CPT1C: variants seen among roughly 807,000 people sequenced by gnomAD.
CPT1C encodes the protein palmitoyl thioesterase CPT1C.
Under a neutral mutation model 97.3 loss-of-function variants are expected in CPT1C, and 61 were observed. That is an observed-to-expected ratio of 0.63 (90% CI 0.51 to 0.78). The LOEUF (loss-of-function observed/expected upper bound fraction) is 0.78. Ranked by LOEUF, CPT1C falls within the 30% of genes least tolerant of loss-of-function variation. The pLI is 0.00. For synonymous variants in CPT1C, 469 were observed against 447.2 expected (o/e 1.05, Z -0.61); for missense variants, 975 against 1,065.5 (o/e 0.92, Z 1.18).
At chr19:49,709,835 C>T (rs1383459496) in intron 14 of CPT1C, among the ~76,000 whole-genome samples, 6 of 150,886 alleles carry the variant, frequency 4.0e-5, no homozygotes, top group African/African-American at 1.5e-4. Flanking sequence ...GGATTACAGG[C>T]GTGAGCCACC....
chr19:49,709,901 C>T (rs868170097), intron 14 of CPT1C, among the ~76,000 whole-genome samples: 2 of 149,682 alleles, frequency 1.3e-5, no homozygotes, highest in African/African-American at 5.0e-5. Flanking sequence ...GGCTGGAGTG[C>T]AGTGGTGCGA....
upstream of CPT1C, chr19:49,691,030 G>A (rs922533039): frequency 6.6e-6 from 1 of 152,382 alleles, no homozygotes; most frequent in African/African-American, 2.4e-5. Flanking sequence ...GGATCGAACG[G>A]ATGTAGGGGA....
chr19:49,710,711 CCT>C lies in CPT1C; in HGVS notation c.1732-11_1732-10del. 6.2e-7 allele frequency: 1 copy of C among 1,609,376 alleles called. No homozygotes were observed. Among genetic ancestry groups the C allele is most frequent in the Non-Finnish European group, 8.5e-7 (1 of 1,176,488 alleles). ...CAGCTGACAGACTCCTCTTCTCCTC[CCT>C]GTCCCCCAGGACAGGGGTCAATTCT... On this transcript the variant is annotated splice_polypyrimidine_tract_variant and intron_variant, in intron 15 of 19. Transcript: ENST00000598293.
Position 49,705,902 on chromosome 19 carries a change from C to T in CPT1C, c.965-7C>T. 6.2e-7 allele frequency: 1 copy of T among 1,611,582 alleles called. No homozygotes were observed. Among genetic ancestry groups the T allele is most frequent in the Non-Finnish European group, 8.5e-7 (1 of 1,178,558 alleles). On this transcript the variant is annotated splice_polypyrimidine_tract_variant and splice_region_variant and intron_variant, in intron 10 of 19. Coordinates refer to ENST00000598293, the MANE Select transcript of CPT1C (RefSeq NM_001199753.2). ...TGCCCCCATGCTTCTGCCAACGCCA[C>T]CCCTAGACTACATCCGCCACCTCCA...
chr19:49,712,618 GAGA>G (rs1285834725), intron 17 of CPT1C, 115 bp from the exon 18 acceptor site: 9 of 732,132 alleles, frequency 1.2e-5, no homozygotes, highest in Middle Eastern at 3.5e-4. Flanking sequence ...CGTGGTTAGG[GAGA>G]AGGAGGCCCG....
In CPT1C at chr19:49,708,788, G is replaced by A. The variant is rs776922738; in HGVS notation, c.1515G>A (p.Pro505=). The A allele has an allele frequency of 2.5e-5, 41 of 1,613,754 alleles. No homozygotes were observed. The highest frequency in any genetic ancestry group is 2.3e-4 in the Admixed American group (14 of 59,960). The part of the protein sequence containing the change: ...YSTDGHCKGH[P]DPTLPQPQRL... Reference sequence around the variant, plus strand: ...CAGACGGCCACTGCAAGGGGCACCCGGACCCCACACTACCCCAGCCCCAGC... The same window carrying A: ...CAGACGGCCACTGCAAGGGGCACCCAGACCCCACACTACCCCAGCCCCAGC... Residue 505 remains proline, a synonymous_variant, in exon 14 of 20, where the codon CCG becomes CCA. Transcript: ENST00000598293.
At chr19:49,700,652 C>T (rs1049059162) in intron 4 of CPT1C, 32 bp from the exon 5 acceptor site, 1 of 1,598,042 alleles carries the variant, frequency 6.3e-7, no homozygotes, top group African/African-American at 1.3e-5. Flanking sequence ...GGCCAGGAGA[C>T]CCAGGCCCAG....
chr19:49,699,253 C>T (rs559057438), intron 4 of CPT1C, among the ~76,000 whole-genome samples: 3 of 151,770 alleles, frequency 2.0e-5, no homozygotes, highest in South Asian at 2.1e-4. Context: ...GTCTAGTTCT[C>T]GGATGAGTCC....
intron 5 of CPT1C, 59 bp from the exon 6 acceptor site, chr19:49,701,258 C>A (rs1600077260): frequency 6.9e-7 from 1 of 1,448,348 alleles, no homozygotes; most frequent in East Asian, 2.3e-5. Context: ...TCGACCCCTG[C>A]CCCGTCAACT....
Position 49,704,783 on chromosome 19 carries a change from T to C in CPT1C, c.767T>C (p.Met256Thr). Residue 256 changes from methionine (M) to threonine (T), a missense_variant, in exon 8 of 20, where the codon ATG becomes ACG. This residue lies in a region of CPT1C where 596 missense variants were observed against 603.1 expected (regional missense o/e 0.99). Coordinates refer to ENST00000598293, the MANE Select transcript of CPT1C (RefSeq NM_001199753.2). ...NPLMVNSNYY[M>T]MDFLYVTPTP... ...CTGATGGTGAACAGCAACTATTACA[T>C]GATGGTGAGAAGGGGAGGGGTGAGG... 1 of 1,613,806 alleles carries C rather than the reference T, an allele frequency of 6.2e-7. No individual in the cohort carries two copies. The highest frequency in any genetic ancestry group is 8.5e-7 in the Non-Finnish European group (1 of 1,179,860).
At chr19:49,691,385 G>T (rs373086760) in intron 1 of CPT1C, 45 bp downstream of exon 1, 7 of 151,972 alleles carry the variant, frequency 4.6e-5, no homozygotes, top group African/African-American at 1.7e-4. Flanking sequence ...GGGGCCTGGA[G>T]TCCTGTGTCT....
rs774595895 is a variant in CPT1C, at chr19:49,705,097, C to A, written c.862C>A (p.Arg288Ser). 4 of 1,613,920 alleles carry A rather than the reference C, an allele frequency of 2.5e-6. No homozygotes were observed. The African/African-American group carries it at 5.3e-5, about 22-fold the overall frequency. Residue 288 changes from arginine to serine, a missense_variant, in exon 9 of 20, where the codon CGC becomes AGC. Physicochemically the swap from Arg to Ser is moderately radical, Grantham distance 110. Coordinates refer to ENST00000598293, the MANE Select transcript of CPT1C (RefSeq NM_001199753.2). ...ALLLYRHRLN[R>S]QEIPPTLLMG... Reference sequence around the variant, plus strand: ...CCTCCTGTACCGCCACCGCCTGAACCGCCAGGAGATACCCCCGGTGAGAGG... The same window carrying A: ...CCTCCTGTACCGCCACCGCCTGAACAGCCAGGAGATACCCCCGGTGAGAGG...
At position 49,700,840 on chromosome 19, in the gene CPT1C, C is replaced by A. The variant is rs372366841; in HGVS notation, c.438C>A (p.Pro146=). Reference sequence around the variant, plus strand: ...AGCCCCACGGAGCCATGTCCTCCCCCACCAAGACCTGGCTGGTATGGGAGG... The same window carrying A: ...AGCCCCACGGAGCCATGTCCTCCCCAACCAAGACCTGGCTGGTATGGGAGG... The part of the protein sequence containing the change: ...LLEPHGAMSS[P]TKTWLALVRI... The change falls in exon 5 of 20, where the codon CCC becomes CCA. Residue 146 remains proline, a synonymous_variant. Transcript: ENST00000598293. 1.6e-5 allele frequency: 25 copies of A among 1,612,682 alleles called. No homozygotes were observed. The highest frequency in any genetic ancestry group is 2.2e-5 in the South Asian group (2 of 91,086).
Position 49,711,972 on chromosome 19 carries a change from A to C in CPT1C, c.2019+11A>C. The C allele has an allele frequency of 1.2e-6, 2 of 1,613,094 alleles. No individual in the cohort carries two copies. The highest frequency in any genetic ancestry group is 1.1e-5 in the South Asian group (1 of 90,996). ...CCCTTCCTGACCCAGGTTGGGGCACAGGGAAAGGGTTAGAGAGGGAAGTGG... is the reference window on the plus strand; with the variant it reads ...CCCTTCCTGACCCAGGTTGGGGCACCGGGAAAGGGTTAGAGAGGGAAGTGG... On this transcript the variant is annotated intron_variant, in intron 17 of 19. Coordinates refer to ENST00000598293, the MANE Select transcript of CPT1C (RefSeq NM_001199753.2).
chr19:49,701,246 T>A, intron 5 of CPT1C, 71 bp from the exon 6 acceptor site: 3 of 1,319,852 alleles, frequency 2.3e-6, no homozygotes, highest in Non-Finnish European at 3.2e-6. Flanking sequence ...TCTGTCCCAC[T>A]GTCGACCCCT....
chr19:49,692,224 C>T lies in CPT1C; in HGVS notation c.-14-15C>T, dbSNP rs1427500143. On this transcript the variant is annotated splice_polypyrimidine_tract_variant and intron_variant, in intron 2 of 19. Coordinates refer to ENST00000598293, the MANE Select transcript of CPT1C (RefSeq NM_001199753.2). ...GAGGGGCTGGGGTCCTGAAGTATGA[C>T]TCTGCCCGACTCAGGGCTCCAGCGT... 1.9e-6 allele frequency: 3 copies of T among 1,611,362 alleles called. No individual in the cohort carries two copies. Among genetic ancestry groups the T allele is most frequent in the Non-Finnish European group, 2.5e-6 (3 of 1,179,742 alleles).
At chr19:49,692,493 G>A (rs1338612993) in intron 3 of CPT1C, 100 bp downstream of exon 3, 2 of 1,431,994 alleles carry the variant, frequency 1.4e-6, no homozygotes, top group Admixed American at 2.1e-5. Context: ...TCATTTCTGG[G>A]AGACTATCAC....
At chr19:49,695,222 A>G (rs1395062880) in intron 3 of CPT1C, among the ~76,000 whole-genome samples, 1 of 152,182 alleles carries the variant, frequency 6.6e-6, no homozygotes, top group Non-Finnish European at 1.5e-5. Context: ...ATAGACCTAT[A>G]AATATATACA....
chr19:49,713,096 T>C, intron 19 of CPT1C, 32 bp downstream of exon 19: 1 of 1,565,970 alleles, frequency 6.4e-7, no homozygotes, highest in Non-Finnish European at 8.8e-7. Context: ...ACCAACTCCC[T>C]CTTTCCTCAG....
Sources: allele counts gnomAD v4.1 joint callset (sites outside exome capture counted in the v4.1 genomes callset), GRCh38; gene constraint gnomAD v4.1.1; regional missense constraint gnomAD v4.1.1; transcripts MANE v1.5; gene names NCBI Gene and HGNC (gene_info 2026-07-23, HGNC 2026-07-21).